Variants in LRP2BP observed in about 807,000 individuals in gnomAD.
LRP2BP encodes LRP2-binding protein.
LRP2BP carries 38 observed loss-of-function variants against 45.2 expected under a neutral mutation model. The observed-to-expected ratio is 0.84, with a 90% CI of 0.65 to 1.10. LRP2BP has a LOEUF of 1.10. Among genes scored for constraint, LRP2BP ranks in the 50% least tolerant of loss-of-function variants. LRP2BP has a pLI of 0.00. For missense variants in LRP2BP, 385 were observed against 418.9 expected (o/e 0.92, Z 0.71); for synonymous variants, 153 against 153.9 (o/e 0.99, Z 0.04).
intron 3 of LRP2BP, 42 bp from the exon 4 acceptor site, chr4:185,375,768 CT>C (rs1381550902): frequency 3.7e-6 from 5 of 1,366,264 alleles, no homozygotes; most frequent in Non-Finnish European, 1.0e-6. Context: ...TTATTATGAT[CT>C]TAAAGTAATC....
At chr4:185,379,029 A>G (rs967456768) in intron 1 of LRP2BP, 3 of 955,516 alleles carry the variant, frequency 3.1e-6, no homozygotes, top group Middle Eastern at 5.4e-4. Context: ...TTAAGTGAGA[A>G]TGAAGTGCAG....
intron 1 of LRP2BP, among the ~76,000 whole-genome samples, chr4:185,379,969 A>G (rs1042576935): frequency 6.6e-6 from 1 of 152,178 alleles, no homozygotes; most frequent in Admixed American, 6.5e-5. Flanking sequence ...GACTACAGGC[A>G]TATGCCATGA....
intron 1 of LRP2BP, among the ~76,000 whole-genome samples, chr4:185,387,492 C>T (rs1331176341): frequency 6.6e-6 from 1 of 152,160 alleles, no homozygotes; most frequent in African/African-American, 2.4e-5. Flanking sequence ...ATGGAATAAA[C>T]ACTAAATACA....
chr4:185,371,349 C>A (rs533535802), intron 7 of LRP2BP, among the ~76,000 whole-genome samples: 1 of 151,934 alleles, frequency 6.6e-6, no homozygotes, highest in African/African-American at 2.4e-5. Context: ...ACCATCCTGG[C>A]TAACATGGTG....
Position 185,372,854 on chromosome 4 carries a change from A to C in LRP2BP, c.803+2T>G. On this transcript the variant is annotated splice_donor_variant, in intron 7 of 8. Coordinates refer to ENST00000505916, the MANE Select transcript of LRP2BP (RefSeq NM_001377440.1). LOFTEE classifies it high-confidence loss of function. The stretch of plus-strand genomic sequence containing the variant: ...CAGCACAGAACAGACAAAGACATTC[A>C]CCTTTTGGAAAATGCAACACACTTT... 6.3e-7 allele frequency: 1 copy of C among 1,595,448 alleles called. No homozygotes were observed. The highest frequency in any genetic ancestry group is 1.3e-5 in the African/African-American group (1 of 74,730).
intron 4 of LRP2BP, 42 bp from the exon 5 acceptor site, chr4:185,374,503 T>G: frequency 6.3e-7 from 1 of 1,597,390 alleles, no homozygotes; most frequent in Non-Finnish European, 8.5e-7. Context: ...GTTTTTAGTT[T>G]TACCCAAACT....
rs1056744485 is a variant in LRP2BP at position 185,395,402 on chromosome 4, C to T, written c.-645G>A. 1 of 985,298 alleles carries T rather than the reference C, an allele frequency of 1.0e-6. No individual in the cohort carries two copies. The highest frequency in any genetic ancestry group is 1.7e-5 in the African/African-American group (1 of 57,234). The allele number at this position is 985,298 out of a possible 1,614,324, so 61.0% of individuals were successfully genotyped here. A position where few individuals can be genotyped will look rare whatever the true frequency, so the allele number is the denominator to read the frequency against. ...CCTGAAAATGAACTTCTGTGCAAACCTGAAGCTTCAACACGTGTTTTAAAA... is the reference window on the plus strand; with the variant it reads ...CCTGAAAATGAACTTCTGTGCAAACTTGAAGCTTCAACACGTGTTTTAAAA... On this transcript the variant is annotated 5_prime_UTR_variant, in exon 1 of 9. Coordinates refer to ENST00000505916, the MANE Select transcript of LRP2BP (RefSeq NM_001377440.1).
chr4:185,384,153 A>C (rs2095463624), intron 1 of LRP2BP, among the ~76,000 whole-genome samples: 2 of 152,168 alleles, frequency 1.3e-5, no homozygotes, highest in South Asian at 4.2e-4. Flanking sequence ...TTCTGCTCTT[A>C]AGGATGGGAT....
chr4:185,397,043 C>CGCTG (rs2095505372), upstream of LRP2BP: 12 of 1,608,956 alleles, frequency 7.5e-6, no homozygotes, highest in South Asian at 1.3e-4. Flanking sequence ...GACCACTGGG[C>CGCTG]GCTGCCTGGT....
intron 1 of LRP2BP, among the ~76,000 whole-genome samples, chr4:185,387,487 A>G (rs2126836989): frequency 6.6e-6 from 1 of 152,348 alleles, no homozygotes; most frequent in African/African-American, 2.4e-5. Flanking sequence ...ACAAAATGGA[A>G]TAAACACTAA....
At chr4:185,373,764 G>A (rs949841061) in intron 6 of LRP2BP, among the ~76,000 whole-genome samples, 1 of 152,158 alleles carries the variant, frequency 6.6e-6, no homozygotes, top group African/African-American at 2.4e-5. Flanking sequence ...GAAAATCTTA[G>A]ATGGATTTTA....
rs988504225 is a variant in LRP2BP at position 185,365,887 on chromosome 4, A to C, written c.*1293T>G. ...TGTTGAAATTTCTTCCCTTACACAA[A>C]GACAAAATGAAGTTCAGGCAATACA... On this transcript the variant is annotated 3_prime_UTR_variant, in exon 9 of 9. Transcript: ENST00000505916. 3.3e-5 allele frequency: 5 copies of C among 152,168 alleles called. No homozygotes were observed. The highest frequency in any genetic ancestry group is 1.2e-4 in the African/African-American group (5 of 41,456). The allele number at this position is 152,168 out of a possible 1,614,324, so 9.4% of individuals were successfully genotyped here. A position where few individuals can be genotyped will look rare whatever the true frequency, so the allele number is the denominator to read the frequency against.
In LRP2BP at chr4:185,385,719, G is replaced by A. The variant is rs1416352571; in HGVS notation, c.-21-7512C>T. On this transcript the variant is annotated intron_variant, in intron 1 of 8. Coordinates refer to ENST00000505916, the MANE Select transcript of LRP2BP (RefSeq NM_001377440.1). ...AGTTCAGGACCAGCCTGGCCAAAAA[G>A]GTGAAACTCCGTCTCTACTAACAAT... Among the ~76,000 whole-genome samples the A allele has an allele frequency of 2.0e-5, 3 of 151,286 alleles. No individual in the cohort carries two copies. In the Admixed American group the frequency reaches 2.0e-4, roughly 10 times the overall value.
chr4:185,379,668 T>G (rs998623349), intron 1 of LRP2BP, among the ~76,000 whole-genome samples: 2 of 152,166 alleles, frequency 1.3e-5, no homozygotes, highest in Non-Finnish European at 2.9e-5. Flanking sequence ...CGACAAAACT[T>G]TACGAAATAA....
intron 3 of LRP2BP, among the ~76,000 whole-genome samples, chr4:185,376,380 C>T (rs1260518379): frequency 2.0e-5 from 3 of 151,554 alleles, no homozygotes; most frequent in Non-Finnish European, 4.4e-5. Context: ...TGGGTTCAAG[C>T]GATTCTCTGC....
In LRP2BP at chr4:185,372,908, C is replaced by G; in HGVS notation, c.751G>C (p.Glu251Gln). Residue 251 changes from glutamate (E) to glutamine (Q), a missense_variant, in exon 7 of 9, where the codon GAG (glutamate) becomes CAG (glutamine). Glu to Gln is a conservative substitution (Grantham distance 29, BLOSUM62 2). Coordinates refer to ENST00000505916, the MANE Select transcript of LRP2BP (RefSeq NM_001377440.1). ...AAAAATTTCATCTTATAGTAATACT[C>G]CACGAGATTCCCTTGAGCATAGACG... ...GNVYAQGNLV[E>Q]YYYKMKFFTK... is the part of the protein sequence containing the mutation. The G allele has an allele frequency of 6.2e-7, 1 of 1,613,210 alleles. No individual in the cohort carries two copies. Among genetic ancestry groups the G allele is most frequent in the East Asian group, 2.2e-5 (1 of 44,826 alleles).
At chr4:185,384,641 G>C (rs2126828539) in intron 1 of LRP2BP, among the ~76,000 whole-genome samples, 1 of 150,156 alleles carries the variant, frequency 6.7e-6, no homozygotes, top group Admixed American at 6.7e-5. Flanking sequence ...AATGTTCCTA[G>C]TGCCCAAGAA....
At position 185,370,731 on chromosome 4, in the gene LRP2BP, A is replaced by C; in HGVS notation, c.887T>G (p.Met296Arg). The change falls in exon 8 of 9, where the codon ATG becomes AGG. Residue 296 changes from methionine to arginine, a missense_variant. Transcript: ENST00000505916. Reference sequence around the variant, plus strand: ...TGCGTGGTAGAAGGATGCCATTGCCATGCCTCTGCCGATGAACTCCGGGAG... The same window carrying C: ...TGCGTGGTAGAAGGATGCCATTGCCCTGCCTCTGCCGATGAACTCCGGGAG... ...DCLPEFIGRG[M>R]AMASFYHARC... 6.2e-7 allele frequency: 1 copy of C among 1,614,090 alleles called. No individual in the cohort carries two copies. Among genetic ancestry groups the C allele is most frequent in the African/African-American group, 1.3e-5 (1 of 75,018 alleles).
intron 7 of LRP2BP, 189 bp from the exon 8 acceptor site, chr4:185,371,003 G>A: frequency 1.8e-6 from 1 of 555,410 alleles, no homozygotes; most frequent in Non-Finnish European, 3.2e-6. Flanking sequence ...GCTTCCCAGA[G>A]TGGTGACTTC....
Sources: allele counts gnomAD v4.1 joint callset (sites outside exome capture counted in the v4.1 genomes callset), GRCh38; gene constraint gnomAD v4.1.1; transcripts MANE v1.5; gene names NCBI Gene and HGNC (gene_info 2026-07-23, HGNC 2026-07-21).